The following EYS variants were observed in gnomAD, a reference collection of about 807,000 sequenced individuals.
EYS encodes the protein protein eyes shut homolog.
EYS carries 250 observed loss-of-function variants against 282.1 expected under a neutral mutation model. The ratio of observed to expected loss-of-function variants is 0.89; its 90% CI spans 0.80 to 0.98. EYS has a LOEUF of 0.98. EYS is among the 50% of genes least tolerant of loss of function. EYS has a pLI of 0.00. For synonymous variants in EYS, 1,355 were observed against 1,282.9 expected (o/e 1.06, Z -1.20); for missense variants, 4,016 against 3,709.0 (o/e 1.08, Z -2.15).
At chr6:65,413,247 A>C (rs575989324) in intron 5 of EYS, among the ~76,000 whole-genome samples, 28 of 152,188 alleles carry the variant, frequency 1.8e-4, no homozygotes, top group Non-Finnish European at 3.2e-4. Flanking sequence ...TACTTTAATT[A>C]ATTTAGAATA....
chr6:63,988,421 TA>T (rs1424507821), intron 34 of EYS, among the ~76,000 whole-genome samples: 2 of 151,528 alleles, frequency 1.3e-5, no homozygotes, highest in African/African-American at 2.4e-5. Context: ...ATTAGACCAT[TA>T]AAAAACACCC....
At chr6:64,825,320 T>C (rs1159219789) in intron 19 of EYS, among the ~76,000 whole-genome samples, 1 of 151,922 alleles carries the variant, frequency 6.6e-6, no homozygotes, top group Non-Finnish European at 1.5e-5. Flanking sequence ...GTAATCTCCT[T>C]GTAGCATTCC....
At chr6:64,193,451 C>T (rs774584398) in intron 31 of EYS, among the ~76,000 whole-genome samples, 5 of 151,904 alleles carry the variant, frequency 3.3e-5, no homozygotes, top group Admixed American at 2.0e-4. Context: ...GCTGAGACTA[C>T]GGGAGCCTGC....
intron 12 of EYS, among the ~76,000 whole-genome samples, chr6:65,173,160 A>ATCT (rs1765144814): frequency 6.6e-6 from 1 of 151,412 alleles, no homozygotes; most frequent in Non-Finnish European, 1.5e-5. Context: ...ACCTTATCCC[A>ATCT]TCTTAAATTA....
intron 12 of EYS, among the ~76,000 whole-genome samples, chr6:65,077,818 G>A (rs955636806): frequency 2.6e-5 from 4 of 151,966 alleles, no homozygotes; most frequent in Admixed American, 2.6e-4. Context: ...TTAAAAATGT[G>A]TCAACATATA....
chr6:63,839,981 T>A (rs1469154685), intron 36 of EYS, among the ~76,000 whole-genome samples: 1 of 151,994 alleles, frequency 6.6e-6, no homozygotes, highest in Admixed American at 6.6e-5. Context: ...GCATTTTTTT[T>A]AATATACCAG....
chr6:64,835,948 T>C (rs1765370112), intron 19 of EYS, among the ~76,000 whole-genome samples: 1 of 151,616 alleles, frequency 6.6e-6, no homozygotes, highest in Non-Finnish European at 1.5e-5. Context: ...ATAAAAGACA[T>C]CTCTACTTCT....
At chr6:64,475,062 C>G (rs1233485851) in intron 26 of EYS, among the ~76,000 whole-genome samples, 1 of 152,150 alleles carries the variant, frequency 6.6e-6, no homozygotes, top group African/African-American at 2.4e-5. Context: ...TTTTATTTTA[C>G]ATTATAATTA....
At chr6:64,673,738 T>C (rs186945267) in intron 22 of EYS, among the ~76,000 whole-genome samples, 6 of 152,106 alleles carry the variant, frequency 3.9e-5, no homozygotes, top group African/African-American at 1.2e-4. Context: ...TCAATGCTGG[T>C]TTTAATGCCT....
intron 12 of EYS, among the ~76,000 whole-genome samples, chr6:65,239,181 C>T (rs748188997): frequency 3.7e-4 from 57 of 152,002 alleles, no homozygotes; most frequent in Non-Finnish European, 3.2e-4. Flanking sequence ...AAGACATATC[C>T]TGTCTTCACA....
intron 31 of EYS, among the ~76,000 whole-genome samples, chr6:64,190,580 C>A (rs986916045): frequency 6.6e-6 from 1 of 152,176 alleles, no homozygotes; most frequent in Non-Finnish European, 1.5e-5. Context: ...GAGGTAAAAC[C>A]TAGCTCTTCT....
chr6:64,923,147 C>CG (rs894206784), intron 15 of EYS, among the ~76,000 whole-genome samples: 1 of 150,964 alleles, frequency 6.6e-6, no homozygotes, highest in Admixed American at 6.6e-5. Context: ...ATACTAGACA[C>CG]GGGGGAAAAA....
At chr6:64,246,852 A>G (rs573785710) in intron 30 of EYS, among the ~76,000 whole-genome samples, 16 of 152,302 alleles carry the variant, frequency 1.1e-4, no homozygotes, top group East Asian at 5.8e-4. Flanking sequence ...ATTCATATTC[A>G]AATGCAAAAA....
At chr6:64,878,585 G>T (rs1766821231) in intron 19 of EYS, among the ~76,000 whole-genome samples, 1 of 151,838 alleles carries the variant, frequency 6.6e-6, no homozygotes, top group Admixed American at 6.6e-5. Flanking sequence ...ATCAAGGTAA[G>T]AACATTCATT....
At chr6:65,089,522 C>T (rs773573965) in intron 12 of EYS, among the ~76,000 whole-genome samples, 6 of 152,108 alleles carry the variant, frequency 3.9e-5, no homozygotes, top group Non-Finnish European at 5.9e-5. Context: ...TGTATTTACC[C>T]GATGCTGGTA....
intron 22 of EYS, among the ~76,000 whole-genome samples, chr6:64,766,631 C>CAA (rs1173014436): frequency 7.4e-4 from 11 of 14,838 alleles, no homozygotes; most frequent in African/African-American, 2.1e-3. Context: ...AACTCCGTCT[C>CAA]AAAAAAAAAA....
chr6:65,482,223 C>G (rs1195086119), intron 5 of EYS, among the ~76,000 whole-genome samples: 4 of 152,134 alleles, frequency 2.6e-5, no homozygotes, highest in African/African-American at 9.7e-5. Context: ...TATATAAACA[C>G]CTGCCTATTC....
At chr6:65,176,721 T>A (rs998647217) in intron 12 of EYS, among the ~76,000 whole-genome samples, 1 of 151,688 alleles carries the variant, frequency 6.6e-6, no homozygotes, top group Non-Finnish European at 1.5e-5. Context: ...GATAGTAATG[T>A]CTATGCAAAG....
At chr6:64,708,042 G>A (rs112628509) in intron 22 of EYS, among the ~76,000 whole-genome samples, 181 of 152,118 alleles carry the variant, frequency 1.2e-3, no homozygotes, top group African/African-American at 3.8e-3. Context: ...AAACATGGGG[G>A]AGCCCACACA....
Sources: allele counts gnomAD v4.1 joint callset (sites outside exome capture counted in the v4.1 genomes callset), GRCh38; gene constraint gnomAD v4.1.1; transcripts MANE v1.5; gene names NCBI Gene and HGNC (gene_info 2026-07-23, HGNC 2026-07-21).